Variants in AP1B1 observed in about 807,000 individuals in gnomAD.
AP1B1 encodes the protein AP-1 complex subunit beta-1.
In AP1B1, 36 loss-of-function variants were observed where a neutral mutation model predicts 104.3. The ratio of observed to expected loss-of-function variants is 0.35; its 90% CI spans 0.26 to 0.46. The LOEUF (loss-of-function observed/expected upper bound fraction) is 0.46, where lower values mean the gene tolerates loss of function less well. Among genes scored for constraint, AP1B1 ranks in the 20% least tolerant of loss-of-function variants. The pLI, the probability that AP1B1 is intolerant of heterozygous loss-of-function variation, is 1.00. For missense variants in AP1B1, 901 were observed against 1,247.9 expected (o/e 0.72, Z 4.19); for synonymous variants, 504 against 517.5 (o/e 0.97, Z 0.35).
At chr22:29,388,071 G>C (rs540612310) in intron 1 of AP1B1, among the ~76,000 whole-genome samples, 3 of 152,280 alleles carry the variant, frequency 2.0e-5, no homozygotes, top group African/African-American at 7.2e-5. Context: ...CCTGAACAAC[G>C]AGGAGGCCTC....
At chr22:29,371,722 C>T (rs891010189) in intron 1 of AP1B1, among the ~76,000 whole-genome samples, 6 of 150,846 alleles carry the variant, frequency 4.0e-5, no homozygotes, top group African/African-American at 1.5e-4. Flanking sequence ...AGTGAGACTC[C>T]GTCTCAAAAA....
chr22:29,356,548 A>C lies in AP1B1; in HGVS notation c.594T>G (p.Asp198Glu). The C allele has an allele frequency of 6.2e-7, 1 of 1,614,164 alleles. No homozygotes were observed. Among genetic ancestry groups the C allele is most frequent in the Non-Finnish European group, 8.5e-7 (1 of 1,180,014 alleles). ...AESHPSSNLL[D>E]LNPQSINKLL... Reference sequence around the variant, plus strand: ...GCTTGTTGATGGACTGTGGGTTCAGATCGAGCAGGTTGCTGCTGGGGTGAG... The same window carrying C: ...GCTTGTTGATGGACTGTGGGTTCAGCTCGAGCAGGTTGCTGCTGGGGTGAG... The change falls in exon 6 of 23, where the codon GAT (aspartate) becomes GAG (glutamate). Residue 198 changes from aspartate (D) to glutamate (E), a missense_variant. Transcript: ENST00000357586.
chr22:29,356,035 A>T (rs889108257), intron 6 of AP1B1, among the ~76,000 whole-genome samples: 5 of 152,208 alleles, frequency 3.3e-5, no homozygotes, highest in African/African-American at 1.2e-4. Flanking sequence ...GAGCTCCCTC[A>T]TCTGGAAAGT....
chr22:29,358,673 C>T (rs965526012), intron 5 of AP1B1, 53 bp downstream of exon 5: 3 of 1,574,826 alleles, frequency 1.9e-6, no homozygotes, highest in African/African-American at 1.3e-5. Flanking sequence ...CCAATGTCTT[C>T]CCAAGCAACC....
At chr22:29,331,723 A>T in intron 18 of AP1B1, 64 bp downstream of exon 18, 1 of 1,613,348 alleles carries the variant, frequency 6.2e-7, no homozygotes, top group Non-Finnish European at 8.5e-7. Flanking sequence ...CCTTCTACTG[A>T]CCCCAGTGGG....
Position 29,358,910 on chromosome 22 carries a change from CG to C in AP1B1, c.340del (p.Arg114AlafsTer17). On this transcript the variant is annotated frameshift_variant, in exon 5 of 23. Transcript: ENST00000357586. LOFTEE classifies it high-confidence loss of function. The stretch of plus-strand genomic sequence containing the variant: ...CAGGTACTCTGTGATCTTGTCAACG[CG>C]GATGCAGCCCATGGTCCGCACTGCC... ...ALAVRTMGCI[R>X]VDKITEYLCE... is the part of the protein sequence containing the mutation. 1 of 1,613,018 alleles carries C rather than the reference CG, an allele frequency of 6.2e-7. No homozygotes were observed. The highest frequency in any genetic ancestry group is 1.7e-5 in the Admixed American group (1 of 59,798).
rs2061504287 is a variant in AP1B1, at chr22:29,328,045, G to C, written c.*776C>G. ...ATCTCTCGGCCCAGTCTTTGTGGCA[G>C]GAGGCCTGGGCTCAGAGGCGACACT... On this transcript the variant is annotated 3_prime_UTR_variant, in exon 23 of 23. Coordinates refer to ENST00000357586, the MANE Select transcript of AP1B1 (RefSeq NM_001127.4). This position sits in a 1 kb window ranked among gnomAD's most constrained non-coding sequence, Gnocchi z 4.1. 6.5e-6 allele frequency: 1 copy of C among 152,850 alleles called. No homozygotes were observed. The highest frequency in any genetic ancestry group is 2.4e-5 in the African/African-American group (1 of 41,444). The allele number at this position is 152,850 out of a possible 1,614,324, so 9.5% of individuals were successfully genotyped here. A position where few individuals can be genotyped will look rare whatever the true frequency, so the allele number is the denominator to read the frequency against.
At chr22:29,359,688 C>G (rs1469600346) in intron 4 of AP1B1, 136 bp downstream of exon 4, 14 of 1,120,048 alleles carry the variant, frequency 1.2e-5, no homozygotes, top group African/African-American at 3.1e-5. Flanking sequence ...GAGGAAGAGG[C>G]CTGCAGGCTG....
At chr22:29,344,459 G>T (rs2061759439) in intron 11 of AP1B1, among the ~76,000 whole-genome samples, 1 of 151,718 alleles carries the variant, frequency 6.6e-6, no homozygotes, top group Non-Finnish European at 1.5e-5. Flanking sequence ...CATCCAGACA[G>T]GATGGGATGG....
At chr22:29,353,848 C>T (rs1351129702) in intron 7 of AP1B1, among the ~76,000 whole-genome samples, 1 of 152,152 alleles carries the variant, frequency 6.6e-6, no homozygotes, top group Non-Finnish European at 1.5e-5. Flanking sequence ...CTGTCAAGTC[C>T]CCACTGCTGA....
chr22:29,354,943 T>C (rs2061932790), intron 6 of AP1B1, 72 bp from the exon 7 acceptor site: 1 of 1,380,970 alleles, frequency 7.2e-7, no homozygotes, highest in Non-Finnish European at 1.0e-6. Flanking sequence ...GTTACCAAAA[T>C]AGCATGTCCA....
chr22:29,370,977 G>A (rs2267134), intron 1 of AP1B1, among the ~76,000 whole-genome samples: 15,606 of 152,196 alleles, frequency 0.1, 1,380 homozygotes, highest in East Asian at 0.37. Flanking sequence ...GTATCCCTCT[G>A]AAGTTGTTTC....
At chr22:29,336,811 A>C (rs1240457409) in intron 16 of AP1B1, among the ~76,000 whole-genome samples, 2 of 151,904 alleles carry the variant, frequency 1.3e-5, no homozygotes, top group Admixed American at 1.3e-4. Context: ...TCTCAAAAAA[A>C]AAAAAAAAAA....
chr22:29,331,992 G>A lies in AP1B1; in HGVS notation c.2310-76C>T, dbSNP rs975351644. The A allele has an allele frequency of 2.5e-5, 36 of 1,418,554 alleles. No homozygotes were observed. The African/African-American group carries it at 3.7e-4, about 15-fold the overall frequency. The allele number at this position is 1,418,554 out of a possible 1,614,324, so 87.9% of individuals were successfully genotyped here. A position where few individuals can be genotyped will look rare whatever the true frequency, so the allele number is the denominator to read the frequency against. On this transcript the variant is annotated intron_variant, in intron 17 of 22. Coordinates refer to ENST00000357586, the MANE Select transcript of AP1B1 (RefSeq NM_001127.4). ...CGGGACAGGTGAGCTCCTCCGACTC[G>A]GGAGCTGGGGCTGTGGTTGGCAGGG...
intron 16 of AP1B1, among the ~76,000 whole-genome samples, chr22:29,336,440 T>A (rs1220271317): frequency 1.3e-5 from 2 of 152,148 alleles, no homozygotes; most frequent in Non-Finnish European, 2.9e-5. Context: ...CCCCTCTCCT[T>A]TCCAGCATGC....
chr22:29,375,986 A>C (rs1238544488), intron 1 of AP1B1, among the ~76,000 whole-genome samples: 1 of 152,014 alleles, frequency 6.6e-6, no homozygotes, highest in East Asian at 1.9e-4. Context: ...CCCACATCTC[A>C]CATTCTATGA....
At chr22:29,378,184 T>C (rs946365078) in intron 1 of AP1B1, among the ~76,000 whole-genome samples, 1 of 152,188 alleles carries the variant, frequency 6.6e-6, no homozygotes, top group Non-Finnish European at 1.5e-5. Context: ...AGTTTGGTCA[T>C]GTGCCTAGTG....
At chr22:29,359,020 G>A (rs780550046) in intron 4 of AP1B1, 49 bp from the exon 5 acceptor site, 83 of 1,545,050 alleles carry the variant, frequency 5.4e-5, no homozygotes, top group Non-Finnish European at 7.0e-5. Flanking sequence ...TGAGCCATCT[G>A]TGGCTTCATA....
intron 10 of AP1B1, 136 bp from the exon 11 acceptor site, chr22:29,349,519 TG>T: frequency 2.2e-5 from 20 of 905,314 alleles, no homozygotes; most frequent in Non-Finnish European, 3.1e-5. Context: ...ATCTGAGTTT[TG>T]TTTTTTTTTT....
Sources: gnomAD v4.1 joint callset for allele counts (sites outside exome capture counted in the v4.1 genomes callset) on GRCh38, gnomAD v4.1.1 for gene constraint, Gnocchi (gnomAD v3.1) non-coding constraint, MANE v1.5 for transcripts, NCBI Gene and HGNC (gene_info 2026-07-23, HGNC 2026-07-21) for gene names.